The following CAMTA1 variants were observed in gnomAD, a reference collection of about 807,000 sequenced individuals.
CAMTA1 encodes the protein calmodulin-binding transcription activator 1.
In CAMTA1, 27 loss-of-function variants were observed where a neutral mutation model predicts 170.9. That is an observed-to-expected ratio of 0.16 (90% CI 0.12 to 0.22). CAMTA1 has a LOEUF of 0.22. Ranked by LOEUF, CAMTA1 falls within the 10% of genes least tolerant of loss-of-function variation. The probability of loss-of-function intolerance (pLI) is 1.00; values close to 1 mark genes in which losing one functional copy is unlikely to be tolerated. For missense variants in CAMTA1, 1,619 were observed against 2,217.2 expected (o/e 0.73, Z 5.42); for synonymous variants, 833 against 891.5 (o/e 0.93, Z 1.17).
intron 3 of CAMTA1, among the ~76,000 whole-genome samples, chr1:6,841,215 C>T (rs780589716): frequency 1.3e-5 from 2 of 152,144 alleles, no homozygotes; most frequent in Non-Finnish European, 2.9e-5. Flanking sequence ...TTAATTACGC[C>T]GAGTCCACCT....
At chr1:7,593,359 A>G (rs1017276493) in intron 6 of CAMTA1, among the ~76,000 whole-genome samples, 1 of 152,138 alleles carries the variant, frequency 6.6e-6, no homozygotes, top group African/African-American at 2.4e-5. Flanking sequence ...GAAGTAGATG[A>G]TAAGCAAATA....
At chr1:7,669,092 G>A (rs1317321300) in intron 9 of CAMTA1, among the ~76,000 whole-genome samples, 3 of 152,220 alleles carry the variant, frequency 2.0e-5, no homozygotes, top group Non-Finnish European at 4.4e-5. Flanking sequence ...GCAAGGAGAT[G>A]CCACCCAGAG....
chr1:7,187,282 G>A (rs900093797), intron 4 of CAMTA1, among the ~76,000 whole-genome samples: 1 of 152,132 alleles, frequency 6.6e-6, no homozygotes, highest in Non-Finnish European at 1.5e-5. Flanking sequence ...CAAGATATGG[G>A]AAATGAAGAC....
intron 3 of CAMTA1, among the ~76,000 whole-genome samples, chr1:6,949,387 G>T (rs917924812): frequency 6.6e-6 from 1 of 152,220 alleles, no homozygotes; most frequent in Non-Finnish European, 1.5e-5. Context: ...TATGCAGGGG[G>T]TCCCCATTCT....
rs754004995 is a variant in CAMTA1 at position 7,351,531 on chromosome 1, G to A, written c.438+101905G>A. ...GCAGGTCGGGGGACCTCTGCCCAGC[G>A]TGGAGGTCAGTGACTGAGCACACAC... On this transcript the variant is annotated intron_variant, in intron 5 of 22. Coordinates refer to ENST00000303635, the MANE Select transcript of CAMTA1 (RefSeq NM_015215.4). 1.1e-4 allele frequency among the ~76,000 whole-genome samples: 17 copies of A among 152,234 alleles called. No homozygotes were observed. In the East Asian group the frequency reaches 1.3e-3, roughly 12 times the overall value.
At chr1:7,651,151 T>C (rs1314256421) in intron 7 of CAMTA1, among the ~76,000 whole-genome samples, 1 of 152,134 alleles carries the variant, frequency 6.6e-6, no homozygotes, top group East Asian at 1.9e-4. Context: ...CTTTGTTGGC[T>C]CCCAAGGTGA....
intron 5 of CAMTA1, among the ~76,000 whole-genome samples, chr1:7,326,878 AT>A (rs2082715304): frequency 6.6e-6 from 1 of 152,192 alleles, no homozygotes; most frequent in South Asian, 2.1e-4. Context: ...TGTCAGGGAC[AT>A]AGGAGGTCCA....
intron 5 of CAMTA1, among the ~76,000 whole-genome samples, chr1:7,459,910 A>G (rs1351672428): frequency 6.6e-6 from 1 of 152,208 alleles, no homozygotes; most frequent in African/African-American, 2.4e-5. Context: ...GTCAGAGCCA[A>G]AGTTCTAGTC....
At chr1:7,347,418 G>A (rs758440516) in intron 5 of CAMTA1, among the ~76,000 whole-genome samples, 1 of 152,206 alleles carries the variant, frequency 6.6e-6, no homozygotes, top group Non-Finnish European at 1.5e-5. Flanking sequence ...AGGGTCACGG[G>A]CTTTGGCTTT....
intron 5 of CAMTA1, among the ~76,000 whole-genome samples, chr1:7,341,464 A>G (rs1400873461): frequency 6.6e-6 from 1 of 152,254 alleles, no homozygotes; most frequent in Non-Finnish European, 1.5e-5. Flanking sequence ...TTGATATCTA[A>G]GAGCAAACAA....
chr1:7,204,649 A>G (rs1657338454), intron 4 of CAMTA1, among the ~76,000 whole-genome samples: 1 of 152,034 alleles, frequency 6.6e-6, no homozygotes, highest in South Asian at 2.1e-4. Context: ...AGAGTGCTCT[A>G]GAAACATATG....
In CAMTA1 at chr1:7,674,215, T is replaced by C. The variant is rs1283401541; in HGVS notation, c.2779+3178T>C. On this transcript the variant is annotated intron_variant, in intron 10 of 22. Transcript: ENST00000303635. This position sits in a 1 kb window ranked among gnomAD's most constrained non-coding sequence, Gnocchi z 4.1. ...AAAACAGATGAGCAGGGTCCTGCCC[T>C]GGCAGCTCCCACACCGTCACAGGTG... 6.6e-6 allele frequency among the ~76,000 whole-genome samples: 1 copy of C among 152,134 alleles called. No homozygotes were observed. Among genetic ancestry groups the C allele is most frequent in the Non-Finnish European group, 1.5e-5 (1 of 68,022 alleles).
intron 3 of CAMTA1, among the ~76,000 whole-genome samples, chr1:6,832,539 CTT>C (rs968504842): frequency 6.6e-6 from 1 of 151,874 alleles, no homozygotes; most frequent in Non-Finnish European, 1.5e-5. Flanking sequence ...TATGTTATCT[CTT>C]TGAAATATAG....
chr1:7,500,142 G>T (rs1432616911), intron 6 of CAMTA1, among the ~76,000 whole-genome samples: 5 of 142,758 alleles, frequency 3.5e-5, no homozygotes, highest in African/African-American at 1.1e-4. Flanking sequence ...ATGTATATGG[G>T]TGTGTGTGTG....
Position 6,913,860 on chromosome 1 carries a change from C to T in CAMTA1, c.234+88650C>T, listed in dbSNP as rs74051057. Among the ~76,000 whole-genome samples the T allele has an allele frequency of 2.6e-3, 397 of 151,838 alleles. 1 individual carries two copies. The highest frequency in any genetic ancestry group is 9.2e-3 in the African/African-American group (380 of 41,376). ...GTGGAAGGGACTGCATGAGTACAGG[C>T]GTAGGAGCAGGTAATGATGAATTTG... On this transcript the variant is annotated intron_variant, in intron 3 of 22. Coordinates refer to ENST00000303635, the MANE Select transcript of CAMTA1 (RefSeq NM_015215.4).
chr1:6,794,880 C>CT (rs1305335139), intron 1 of CAMTA1, among the ~76,000 whole-genome samples: 7,997 of 139,696 alleles, frequency 0.057, 142 homozygotes, highest in East Asian at 0.17. Flanking sequence ...TAGATAAAGG[C>CT]TTTTTTTTTG....
At position 7,757,713 on chromosome 1, in the gene CAMTA1, G is replaced by A. The variant is rs148960458; in HGVS notation, c.4989+2045G>A. On this transcript the variant is annotated intron_variant, in intron 22 of 22. Transcript: ENST00000303635. Reference sequence around the variant, plus strand: ...ATTGTGCCACTGCACTCCAGCCTGGGCGACAGAGCAAGACTCTGTCTCAAA... The same window carrying A: ...ATTGTGCCACTGCACTCCAGCCTGGACGACAGAGCAAGACTCTGTCTCAAA... Among the ~76,000 whole-genome samples, 987 of 152,192 alleles carry A rather than the reference G, an allele frequency of 6.5e-3. 15 individuals are homozygous for A. Among genetic ancestry groups the A allele is most frequent in the African/African-American group, 0.023 (949 of 41,522 alleles).
At chr1:7,231,562 G>A (rs1318470747) in intron 4 of CAMTA1, among the ~76,000 whole-genome samples, 3 of 152,030 alleles carry the variant, frequency 2.0e-5, no homozygotes, top group East Asian at 1.9e-4. Context: ...TGGTGGAGGC[G>A]GGGTTTCACC....
intron 5 of CAMTA1, among the ~76,000 whole-genome samples, chr1:7,413,710 A>G (rs897096171): frequency 4.6e-5 from 7 of 152,204 alleles, no homozygotes; most frequent in African/African-American, 1.7e-4. Flanking sequence ...AAACAAGGAC[A>G]ATTTGACTTC....
Sources: gnomAD v4.1 joint callset for allele counts (sites outside exome capture counted in the v4.1 genomes callset) on GRCh38, gnomAD v4.1.1 for gene constraint, Gnocchi (gnomAD v3.1) non-coding constraint, MANE v1.5 for transcripts, NCBI Gene and HGNC (gene_info 2026-07-23, HGNC 2026-07-21) for gene names.